SLC9B1: variants seen among roughly 807,000 people sequenced by gnomAD.
SLC9B1 encodes sodium/hydrogen exchanger 9B1.
Under a neutral mutation model 51.7 loss-of-function variants are expected in SLC9B1, and 32 were observed. That is an observed-to-expected ratio of 0.62 (90% CI 0.47 to 0.83). SLC9B1 has a LOEUF of 0.83. SLC9B1 is among the 40% of genes least tolerant of loss of function. SLC9B1 has a pLI of 0.00. For missense variants in SLC9B1, 406 were observed against 613.2 expected, an observed-to-expected ratio of 0.66 and a Z score of 3.57; for synonymous variants, 145 against 212.7, an observed-to-expected ratio of 0.68 and a Z score of 2.77.
chr4:102,949,782 G>A (rs2110477140), intron 3 of SLC9B1, among the ~76,000 whole-genome samples: 1 of 152,166 alleles, frequency 6.6e-6, no homozygotes, highest in South Asian at 2.1e-4. Context: ...CCAACACAGT[G>A]AAATCCCGTC....
chr4:102,907,755 T>C (rs1427192310), intron 9 of SLC9B1, among the ~76,000 whole-genome samples: 2 of 152,244 alleles, frequency 1.3e-5, no homozygotes, highest in African/African-American at 4.8e-5. Flanking sequence ...TTCATAACTA[T>C]TTCCCTTATG....
At chr4:102,972,960 G>C (rs527415284) in intron 3 of SLC9B1, among the ~76,000 whole-genome samples, 1 of 152,164 alleles carries the variant, frequency 6.6e-6, no homozygotes, top group African/African-American at 2.4e-5. Flanking sequence ...AAGGGTAATC[G>C]TGAATAGAAT....
At chr4:102,924,235 C>T (rs1296090186) in intron 7 of SLC9B1, among the ~76,000 whole-genome samples, 2 of 152,002 alleles carry the variant, frequency 1.3e-5, no homozygotes, top group Non-Finnish European at 2.9e-5. Context: ...CAGAATAGAG[C>T]CCTCAGAAAT....
At chr4:102,989,575 A>G (rs1393166132) in intron 3 of SLC9B1, among the ~76,000 whole-genome samples, 1 of 152,006 alleles carries the variant, frequency 6.6e-6, no homozygotes, top group East Asian at 1.9e-4. Flanking sequence ...ATAAAAAAGT[A>G]TGACAAATAT....
chr4:102,908,810 T>C (rs1451255455), intron 9 of SLC9B1, among the ~76,000 whole-genome samples: 28 of 152,138 alleles, frequency 1.8e-4, no homozygotes, highest in African/African-American at 6.0e-4. Context: ...ATATGCAATA[T>C]ATACATAACA....
intron 1 of SLC9B1, among the ~76,000 whole-genome samples, chr4:102,996,662 A>G (rs1740237873): frequency 6.6e-6 from 1 of 152,184 alleles, no homozygotes; most frequent in East Asian, 1.9e-4. Context: ...ATCATCCTCT[A>G]TACATTGTAT....
chr4:102,938,216 C>A (rs1034627480), intron 6 of SLC9B1, among the ~76,000 whole-genome samples: 1 of 152,162 alleles, frequency 6.6e-6, no homozygotes, highest in East Asian at 1.9e-4. Context: ...AAAGGGTAAG[C>A]ATTGTTATCC....
intron 1 of SLC9B1, among the ~76,000 whole-genome samples, chr4:103,018,720 T>A (rs79723528): frequency 0.011 from 1,745 of 152,202 alleles, 38 homozygotes; most frequent in African/African-American, 0.04. Flanking sequence ...CACTACTGAT[T>A]GATGTGACAG....
intron 3 of SLC9B1, among the ~76,000 whole-genome samples, chr4:102,957,276 A>AAAACTTC (rs919834289): frequency 6.6e-6 from 1 of 152,234 alleles, no homozygotes; most frequent in Non-Finnish European, 1.5e-5. Flanking sequence ...ATAATGTCTG[A>AAAACTTC]AAACTTCAAA....
intron 6 of SLC9B1, among the ~76,000 whole-genome samples, chr4:102,939,525 G>A (rs1391945806): frequency 6.6e-6 from 1 of 151,902 alleles, no homozygotes; most frequent in African/African-American, 2.4e-5. Context: ...AAAAAATGAG[G>A]AGGAAGGATC....
chr4:102,950,569 T>C (rs1161125297), intron 3 of SLC9B1, among the ~76,000 whole-genome samples: 3 of 152,240 alleles, frequency 2.0e-5, no homozygotes. Context: ...GTATAGAATT[T>C]GCCAGGGTAA....
chr4:103,016,291 C>T (rs1261146400), intron 1 of SLC9B1, among the ~76,000 whole-genome samples: 1 of 151,974 alleles, frequency 6.6e-6, no homozygotes, highest in Non-Finnish European at 1.5e-5. Flanking sequence ...ATCATTTCCA[C>T]CCCCCTCTAT....
chr4:102,890,327 TC>T (rs1734175040), intron 11 of SLC9B1: 1 of 152,206 alleles, frequency 6.6e-6, no homozygotes, highest in East Asian at 1.9e-4. Context: ...TCCATAGTCT[TC>T]CAATAGAAAT....
chr4:102,968,236 C>T (rs1488977285), intron 3 of SLC9B1, among the ~76,000 whole-genome samples: 1 of 152,130 alleles, frequency 6.6e-6, no homozygotes, highest in Non-Finnish European at 1.5e-5. Flanking sequence ...GATGCTAAGA[C>T]AATTCAATAG....
At chr4:102,972,520 A>G (rs896423308) in intron 3 of SLC9B1, among the ~76,000 whole-genome samples, 1 of 152,216 alleles carries the variant, frequency 6.6e-6, no homozygotes, top group African/African-American at 2.4e-5. Flanking sequence ...TGCTAGGATT[A>G]CAGGTGTGAG....
At chr4:102,983,183 G>A (rs1022482151) in intron 3 of SLC9B1, among the ~76,000 whole-genome samples, 1 of 152,066 alleles carries the variant, frequency 6.6e-6, no homozygotes, top group African/African-American at 2.4e-5. Flanking sequence ...TGATGTGATG[G>A]ATTACATTAC....
chr4:102,898,174 A>G, downstream of SLC9B1: 1 of 519,548 alleles, frequency 1.9e-6, no homozygotes, highest in Middle Eastern at 3.6e-4. Context: ...GCTGTACCAC[A>G]AGACCACCAA....
chr4:103,006,466 G>C (rs922173074), intron 1 of SLC9B1, among the ~76,000 whole-genome samples: 1 of 152,082 alleles, frequency 6.6e-6, no homozygotes, highest in Non-Finnish European at 1.5e-5. Context: ...ATCCTGAACA[G>C]ACAAATAATG....
exon 12 of SLC9B1, chr4:102,885,185 A>G (rs1290821307): frequency 1.3e-6 from 2 of 1,530,968 alleles, no homozygotes; most frequent in Non-Finnish European, 9.1e-7. Context: ...TTCCAAGAGC[A>G]CTGCAGATTC....
Sources: gnomAD v4.1 joint callset for allele counts (sites outside exome capture counted in the v4.1 genomes callset) on GRCh38, gnomAD v4.1.1 for gene constraint, MANE v1.5 for transcripts, NCBI Gene and HGNC (gene_info 2026-07-23, HGNC 2026-07-21) for gene names.